The following PPCS variants were observed in gnomAD, a reference collection of about 807,000 sequenced individuals.
PPCS encodes the protein phosphopantothenate--cysteine ligase.
PPCS carries 17 observed loss-of-function variants against 24.6 expected under a neutral mutation model. That is an observed-to-expected ratio of 0.69 (90% CI 0.47 to 1.04). The LOEUF is 1.04. PPCS is among the 50% of genes least tolerant of loss of function. The pLI, the probability that PPCS is intolerant of heterozygous loss-of-function variation, is 0.00. For synonymous variants in PPCS, 190 were observed against 168.3 expected (o/e 1.13, Z -1.00); for missense variants, 360 against 402.8 (o/e 0.89, Z 0.91).
At chr1:42,461,851 G>A (rs539350113), downstream of PPCS, among the ~76,000 whole-genome samples, 2 of 152,078 alleles carry the variant, frequency 1.3e-5, no homozygotes, top group Non-Finnish European at 2.9e-5. Context: ...AGCCACCCAG[G>A]CTCCTTTGAC....
At chr1:42,467,684 C>T (rs1291254365) in intron 2 of PPCS, 1 of 152,252 alleles carries the variant, frequency 6.6e-6, no homozygotes, top group African/African-American at 2.4e-5. Context: ...TTGGATCTGT[C>T]TGCCAAATCT....
downstream of PPCS, chr1:42,463,896 G>T (rs1643484821): frequency 6.6e-6 from 1 of 152,186 alleles, no homozygotes; most frequent in Non-Finnish European, 1.5e-5. Context: ...CAGAGGTCAT[G>T]AAGTCAGTTA....
chr1:42,458,762 A>G (rs182099140), intron 2 of PPCS, among the ~76,000 whole-genome samples: 101 of 152,334 alleles, frequency 6.6e-4, no homozygotes, highest in Admixed American at 1.6e-3. Context: ...TAACAAAGCA[A>G]CTGAACATTA....
At position 42,457,965 on chromosome 1, in the gene PPCS, A is replaced by AC. The variant is rs1430502044; in HGVS notation, c.612+615_612+616insC. On this transcript the variant is annotated intron_variant, in intron 2 of 2. Coordinates refer to ENST00000372561, the MANE Select transcript of PPCS (RefSeq NM_024664.4). ...AGCGATACTCCGTCGCAAAAAAAAA[A>AC]AAAAACACCAAAAATCAAAACAAAA... 9.2e-5 allele frequency among the ~76,000 whole-genome samples: 14 copies of AC among 151,716 alleles called. No individual in the cohort carries two copies. In the South Asian group the frequency reaches 2.9e-3, roughly 32 times the overall value.
chr1:42,462,626 T>G (rs1373669383), downstream of PPCS, among the ~76,000 whole-genome samples: 1 of 152,184 alleles, frequency 6.6e-6, no homozygotes, highest in Non-Finnish European at 1.5e-5. Context: ...AGTTTGATAA[T>G]TAACTAGAAT....
intron 2 of PPCS, 155 bp downstream of exon 2, chr1:42,457,505 A>G (rs1055280579): frequency 1.5e-5 from 10 of 655,458 alleles, no homozygotes; most frequent in African/African-American, 9.1e-5. Flanking sequence ...GGACCTCACA[A>G]TCTAGTGAGG....
intron 2 of PPCS, among the ~76,000 whole-genome samples, chr1:42,458,968 A>G (rs1643322182): frequency 6.6e-6 from 1 of 152,226 alleles, no homozygotes; most frequent in South Asian, 2.1e-4. Context: ...AAATATTTGT[A>G]TGAACAGATT....
chr1:42,457,446 C>T (rs1010847970), intron 2 of PPCS, 96 bp downstream of exon 2: 8 of 1,056,212 alleles, frequency 7.6e-6, no homozygotes, highest in African/African-American at 1.6e-5. Context: ...CATCTGTATT[C>T]GCTAGGCACA....
chr1:42,473,253 A>G, exon 3 of PPCS: 1 of 1,231,610 alleles, frequency 8.1e-7, no homozygotes, highest in African/African-American at 1.5e-5. Flanking sequence ...GAGGACTGCT[A>G]CCACAGATGT....
intron 2 of PPCS, among the ~76,000 whole-genome samples, chr1:42,472,951 CACAT>C (rs1279502153): frequency 1.3e-5 from 2 of 152,100 alleles, no homozygotes; most frequent in Non-Finnish European, 2.9e-5. Flanking sequence ...TATATACATA[CACAT>C]ACATAAGTGT....
chr1:42,466,389 C>T (rs960697735), intron 2 of PPCS, among the ~76,000 whole-genome samples: 5 of 152,162 alleles, frequency 3.3e-5, no homozygotes, highest in African/African-American at 1.2e-4. Context: ...AATTCTTTGT[C>T]TCAGTTTGCT....
chr1:42,460,335 C>T lies in PPCS; in HGVS notation c.*409C>T, dbSNP rs960138389. On this transcript the variant is annotated 3_prime_UTR_variant, in exon 3 of 3. Transcript: ENST00000372561. Reference sequence around the variant, plus strand: ...CATGAGGATTAAAAAGATGAATAAACATATCTTGTTTAGGAAATGGATGTA... The same window carrying T: ...CATGAGGATTAAAAAGATGAATAAATATATCTTGTTTAGGAAATGGATGTA... 47 of 986,936 alleles carry T rather than the reference C, an allele frequency of 4.8e-5. No individual in the cohort carries two copies. Among genetic ancestry groups the T allele is most frequent in the Non-Finnish European group, 5.3e-5 (44 of 830,236 alleles). The allele number at this position is 986,936 out of a possible 1,614,324, so 61.1% of individuals were successfully genotyped here.
rs986433953 is a variant in PPCS at position 42,459,484 on chromosome 1, A to T, written c.613-119A>T. 3.4e-6 allele frequency: 3 copies of T among 887,742 alleles called. No individual in the cohort carries two copies. In the Admixed American group the frequency reaches 8.4e-5, roughly 25 times the overall value. 55.0% of individuals were successfully genotyped at this position (887,742 alleles called of 1,614,324 possible). On this transcript the variant is annotated intron_variant, in intron 2 of 2. Coordinates refer to ENST00000372561, the MANE Select transcript of PPCS (RefSeq NM_024664.4). ...TAAGACTTTTTAAACTAAACATTTA[A>T]CTGAAAAGTTTGATGGTTGAGAAAT...
At position 42,457,228 on chromosome 1, in the gene PPCS, C is replaced by T; in HGVS notation, c.509-19C>T. On this transcript the variant is annotated intron_variant, in intron 1 of 2. Transcript: ENST00000372561. The stretch of plus-strand genomic sequence containing the variant: ...TCGTACCTCGCCGATTTGTTAACAC[C>T]TTGTGTTTCTCTTTGCAGGCCCTTC... 1 of 1,613,786 alleles carries T rather than the reference C, an allele frequency of 6.2e-7. No individual in the cohort carries two copies.
intron 2 of PPCS, among the ~76,000 whole-genome samples, chr1:42,458,693 C>T (rs369723540): frequency 3.3e-5 from 5 of 152,258 alleles, no homozygotes; most frequent in Non-Finnish European, 4.4e-5. Context: ...AGTGATTTCA[C>T]GCTTTTTAAT....
chr1:42,470,437 A>G (rs1338088334), intron 2 of PPCS, among the ~76,000 whole-genome samples: 1 of 152,226 alleles, frequency 6.6e-6, no homozygotes, highest in East Asian at 1.9e-4. Context: ...ACATAGAATT[A>G]TATATCTAAC....
At chr1:42,469,915 A>G (rs1643712070) in intron 2 of PPCS, among the ~76,000 whole-genome samples, 1 of 152,230 alleles carries the variant, frequency 6.6e-6, no homozygotes, top group Non-Finnish European at 1.5e-5. Flanking sequence ...CAACTCATAA[A>G]TGACCCAGCG....
In PPCS at chr1:42,459,717, G is replaced by A. The variant is rs777483614; in HGVS notation, c.727G>A (p.Ala243Thr). The change falls in exon 3 of 3, where the codon GCT (alanine) becomes ACT (threonine). Residue 243 changes from alanine (A) to threonine (T), a missense_variant. By Grantham distance (58) the Ala-to-Thr change is moderately conservative. Coordinates refer to ENST00000372561, the MANE Select transcript of PPCS (RefSeq NM_024664.4). ...TGACCCCGCCATTGTAATTAATCGA[G>A]CTCGGAAGGCTTTGGAAATTTATCA... ...ETDPAIVINR[A>T]RKALEIYQHQ... The A allele has an allele frequency of 6.2e-7, 1 of 1,614,148 alleles. No individual in the cohort carries two copies. The highest frequency in any genetic ancestry group is 1.7e-5 in the Admixed American group (1 of 60,028).
At chr1:42,473,405 A>T, downstream of PPCS, 1 of 646,724 alleles carries the variant, frequency 1.5e-6, no homozygotes. Flanking sequence ...ATCACTGTAT[A>T]GTTTGAAAAG....
Sources: allele counts gnomAD v4.1 joint callset (sites outside exome capture counted in the v4.1 genomes callset), GRCh38; gene constraint gnomAD v4.1.1; transcripts MANE v1.5; gene names NCBI Gene and HGNC (gene_info 2026-07-23, HGNC 2026-07-21).